MAPKAP1: variants seen among roughly 807,000 people sequenced by gnomAD.
MAPKAP1 encodes the protein target of rapamycin complex 2 subunit MAPKAP1.
Under a neutral mutation model 65.7 loss-of-function variants are expected in MAPKAP1, and 20 were observed. That is an observed-to-expected ratio of 0.30 (90% confidence interval 0.21 to 0.44). The LOEUF is 0.44. Ranked by LOEUF, MAPKAP1 falls within the 20% of genes least tolerant of loss-of-function variation. The pLI, the probability that MAPKAP1 is intolerant of heterozygous loss-of-function variation, is 1.00. For missense variants in MAPKAP1, 423 were observed against 648.0 expected (o/e 0.65, Z 3.77); for synonymous variants, 222 against 244.3 (o/e 0.91, Z 0.85).
At chr9:125,574,142 C>T (rs1310998298) in intron 5 of MAPKAP1, among the ~76,000 whole-genome samples, 2 of 152,106 alleles carry the variant, frequency 1.3e-5, no homozygotes, top group Non-Finnish European at 2.9e-5. Context: ...TTCTTCTTCC[C>T]CAACAAACTG....
At chr9:125,597,264 CAAAAAAAAAAAA>C (rs35917056) in intron 4 of MAPKAP1, among the ~76,000 whole-genome samples, 3 of 52,676 alleles carry the variant, frequency 5.7e-5, no homozygotes, top group African/African-American at 1.8e-4. Flanking sequence ...GACTCCGTCT[CAAAAAAAAAAAA>C]AAAAAAAAAA....
intron 10 of MAPKAP1, among the ~76,000 whole-genome samples, chr9:125,450,013 G>A (rs572338074): frequency 6.6e-6 from 1 of 151,870 alleles, no homozygotes; most frequent in Non-Finnish European, 1.5e-5. Context: ...ACCTCTGCCT[G>A]CTGGGTTCAA....
At chr9:125,690,662 C>A (rs1007742004) in intron 1 of MAPKAP1, among the ~76,000 whole-genome samples, 1 of 152,094 alleles carries the variant, frequency 6.6e-6, no homozygotes, top group African/African-American at 2.4e-5. Context: ...TGCTATTATT[C>A]CCTGGTCTAA....
At chr9:125,615,327 C>A (rs899762725) in intron 4 of MAPKAP1, among the ~76,000 whole-genome samples, 2 of 152,012 alleles carry the variant, frequency 1.3e-5, no homozygotes, top group African/African-American at 2.4e-5. Context: ...CCAAATTGAT[C>A]TACAAATTTA....
intron 7 of MAPKAP1, among the ~76,000 whole-genome samples, chr9:125,539,738 A>G (rs962230235): frequency 4.6e-5 from 7 of 152,260 alleles, no homozygotes; most frequent in African/African-American, 7.2e-5. Flanking sequence ...AACTGTTAAC[A>G]TGAGTAAAGA....
Position 125,595,259 on chromosome 9 carries a change from C to G in MAPKAP1, c.499-9532G>C, listed in dbSNP as rs768337203. On this transcript the variant is annotated intron_variant, in intron 4 of 11. Transcript: ENST00000265960. The surrounding 1 kb of genome is among the most constrained non-coding windows in gnomAD (Gnocchi z 4.0). ...CAGTCTTTTAAAAAGTGTCTCTAGG[C>G]CAATTATGAAATATCAATACTATGA... Among the ~76,000 whole-genome samples the G allele has an allele frequency of 6.6e-6, 1 of 152,026 alleles. No homozygotes were observed. The highest frequency in any genetic ancestry group is 1.5e-5 in the Non-Finnish European group (1 of 68,018).
intron 7 of MAPKAP1, among the ~76,000 whole-genome samples, chr9:125,526,881 T>TTA (rs5900664): frequency 1.3e-5 from 2 of 151,376 alleles, no homozygotes; most frequent in Non-Finnish European, 2.9e-5. Context: ...GTTCAAGTGA[T>TTA]TTCTGCCTTA....
At chr9:125,522,105 G>C (rs1589255108) in intron 7 of MAPKAP1, among the ~76,000 whole-genome samples, 1 of 152,204 alleles carries the variant, frequency 6.6e-6, no homozygotes, top group East Asian at 1.9e-4. Context: ...CAGTGGCCCT[G>C]GTGGAAGGGG....
intron 1 of MAPKAP1, among the ~76,000 whole-genome samples, chr9:125,702,100 A>G (rs1835615788): frequency 6.6e-6 from 1 of 152,228 alleles, no homozygotes; most frequent in Admixed American, 6.5e-5. Flanking sequence ...TTTTTAAACT[A>G]AATACATTAA....
chr9:125,701,776 T>C (rs1316472137), intron 1 of MAPKAP1, among the ~76,000 whole-genome samples: 1 of 152,224 alleles, frequency 6.6e-6, no homozygotes, highest in Admixed American at 6.5e-5. Flanking sequence ...GCATTTAAAG[T>C]GCTAAGAGCA....
chr9:125,579,353 G>A (rs1424762968), intron 5 of MAPKAP1, among the ~76,000 whole-genome samples: 4 of 152,152 alleles, frequency 2.6e-5, no homozygotes, highest in Admixed American at 2.6e-4. Context: ...GTGCAATGGC[G>A]TGATCTCAGC....
intron 7 of MAPKAP1, among the ~76,000 whole-genome samples, chr9:125,517,300 C>A (rs969646572): frequency 3.9e-5 from 6 of 152,118 alleles, no homozygotes; most frequent in Non-Finnish European, 8.8e-5. Flanking sequence ...GGAAGTTGAT[C>A]TTGAGGGGGT....
At chr9:125,705,589 C>A (rs529395488) in intron 1 of MAPKAP1, among the ~76,000 whole-genome samples, 1 of 152,288 alleles carries the variant, frequency 6.6e-6, no homozygotes, top group African/African-American at 2.4e-5. Context: ...ATATTTATCT[C>A]TAATTGCCTA....
intron 8 of MAPKAP1, among the ~76,000 whole-genome samples, chr9:125,495,642 G>C (rs1854916492): frequency 6.6e-6 from 1 of 152,166 alleles, no homozygotes; most frequent in Non-Finnish European, 1.5e-5. Context: ...CGGAAACGGG[G>C]GAACTTTTAG....
At chr9:125,553,932 G>A in intron 6 of MAPKAP1, among the ~76,000 whole-genome samples, 1 of 152,016 alleles carries the variant, frequency 6.6e-6, no homozygotes, top group African/African-American at 2.4e-5. Flanking sequence ...AGCTACTTGG[G>A]AGGCTGAGGT....
intron 1 of MAPKAP1, among the ~76,000 whole-genome samples, chr9:125,700,730 TTC>T (rs966372957): frequency 1.2e-4 from 19 of 152,238 alleles, no homozygotes; most frequent in African/African-American, 4.3e-4. Context: ...TATTTTTATA[TTC>T]TGTTATTTCC....
At chr9:125,622,823 CCTCTCCG>C (rs943746561) in intron 4 of MAPKAP1, among the ~76,000 whole-genome samples, 14 of 139,300 alleles carry the variant, frequency 1.0e-4, no homozygotes, top group Middle Eastern at 3.7e-3. Flanking sequence ...TCCCCTCTCC[CCTCTCCG>C]TCTCCCCAGT....
chr9:125,604,424 A>T (rs956971187), intron 4 of MAPKAP1, among the ~76,000 whole-genome samples: 1 of 152,196 alleles, frequency 6.6e-6, no homozygotes, highest in African/African-American at 2.4e-5. Context: ...TCACCACCAC[A>T]TCAGCTCCAG....
intron 10 of MAPKAP1, among the ~76,000 whole-genome samples, chr9:125,456,421 C>A (rs1853163940): frequency 1.3e-5 from 2 of 152,170 alleles, no homozygotes; most frequent in Non-Finnish European, 2.9e-5. Flanking sequence ...TTCTGTTGTT[C>A]TGTCATAGAG....
Sources: gnomAD v4.1 joint callset for allele counts (sites outside exome capture counted in the v4.1 genomes callset) on GRCh38, gnomAD v4.1.1 for gene constraint, Gnocchi (gnomAD v3.1) non-coding constraint, MANE v1.5 for transcripts, NCBI Gene and HGNC (gene_info 2026-07-23, HGNC 2026-07-21) for gene names.